DPP10: variants seen among roughly 807,000 people sequenced by gnomAD.
DPP10 encodes inactive dipeptidyl peptidase 10.
A neutral mutation model predicts 120.9 loss-of-function variants in DPP10; 33 were observed. The ratio of observed to expected loss-of-function variants is 0.27; its 90% CI spans 0.21 to 0.37. The LOEUF is 0.37. DPP10 is among the 10% of genes least tolerant of loss of function. DPP10 has a pLI of 1.00. For synonymous variants in DPP10, 337 were observed against 326.1 expected, an observed-to-expected ratio of 1.03 and a Z score of -0.36; for missense variants, 816 against 942.8, an observed-to-expected ratio of 0.87 and a Z score of 1.76.
intron 7 of DPP10, among the ~76,000 whole-genome samples, chr2:115,698,331 A>T (rs936073636): frequency 2.6e-5 from 4 of 152,238 alleles, no homozygotes; most frequent in African/African-American, 9.6e-5. Flanking sequence ...AAAGCACAAC[A>T]TACCAAAATG....
At position 115,652,472 on chromosome 2, in the gene DPP10, C is replaced by G. The variant is rs147307241; in HGVS notation, c.442-37215C>G. ...CTTTAATATATGTATTCTCTAATAC[C>G]TTTATATATTATATATATAATGTAG... On this transcript the variant is annotated intron_variant, in intron 5 of 25. Coordinates refer to ENST00000410059, the MANE Select transcript of DPP10 (RefSeq NM_020868.6). Among the ~76,000 whole-genome samples, 875 of 147,448 alleles carry G rather than the reference C, an allele frequency of 5.9e-3. 11 individuals are homozygous for G. The highest frequency in any genetic ancestry group is 0.022 in the African/African-American group (844 of 39,234).
At chr2:114,573,608 A>G (rs1025060572) in intron 1 of DPP10, among the ~76,000 whole-genome samples, 1 of 152,184 alleles carries the variant, frequency 6.6e-6, no homozygotes, top group Admixed American at 6.5e-5. Flanking sequence ...AACATGAACA[A>G]TCTCTTCAAA....
At chr2:115,188,366 C>A (rs1232796382) in intron 1 of DPP10, among the ~76,000 whole-genome samples, 1 of 152,092 alleles carries the variant, frequency 6.6e-6, no homozygotes, top group Non-Finnish European at 1.5e-5. Context: ...GGGTGAATGT[C>A]AGGTAACTGG....
At chr2:114,788,752 GA>G (rs1200456078) in intron 1 of DPP10, among the ~76,000 whole-genome samples, 1 of 152,076 alleles carries the variant, frequency 6.6e-6, no homozygotes, top group Non-Finnish European at 1.5e-5. Context: ...TTTAGGTAGA[GA>G]AAAAAAGTTT....
intron 1 of DPP10, among the ~76,000 whole-genome samples, chr2:114,805,203 A>T (rs561305990): frequency 8.5e-5 from 13 of 152,170 alleles, no homozygotes; most frequent in African/African-American, 3.1e-4. Flanking sequence ...GTCCAATTAA[A>T]CCTCATTTTC....
intron 1 of DPP10, among the ~76,000 whole-genome samples, chr2:114,944,720 T>C (rs960526319): frequency 2.6e-5 from 4 of 152,182 alleles, no homozygotes; most frequent in Non-Finnish European, 5.9e-5. Context: ...ACATACACTA[T>C]CTTTTTAAGT....
intron 3 of DPP10, among the ~76,000 whole-genome samples, chr2:115,449,873 A>C (rs1037490978): frequency 6.6e-6 from 1 of 152,108 alleles, no homozygotes; most frequent in African/African-American, 2.4e-5. Context: ...AAATATGTAT[A>C]GTAAAAATTG....
intron 2 of DPP10, among the ~76,000 whole-genome samples, chr2:115,335,783 A>G (rs904695438): frequency 6.6e-6 from 1 of 152,052 alleles, no homozygotes; most frequent in Non-Finnish European, 1.5e-5. Flanking sequence ...TTAGAAGACT[A>G]TCCCATATGA....
intron 1 of DPP10, among the ~76,000 whole-genome samples, chr2:114,505,629 C>A (rs1037465318): frequency 1.3e-5 from 2 of 152,086 alleles, no homozygotes; most frequent in African/African-American, 4.8e-5. Flanking sequence ...GGTAGTTCTA[C>A]ATCTCCATTT....
At chr2:115,614,352 A>G (rs1184782692) in intron 5 of DPP10, among the ~76,000 whole-genome samples, 1 of 152,142 alleles carries the variant, frequency 6.6e-6, no homozygotes, top group Non-Finnish European at 1.5e-5. Flanking sequence ...ACAAATAACC[A>G]TTTATATTTT....
chr2:115,121,532 G>A (rs1185188596), intron 1 of DPP10, among the ~76,000 whole-genome samples: 2 of 152,214 alleles, frequency 1.3e-5, no homozygotes, highest in Non-Finnish European at 2.9e-5. Flanking sequence ...GCCTGGCCCA[G>A]GGGCATTTTT....
At chr2:115,495,880 A>G (rs1373000634) in intron 3 of DPP10, among the ~76,000 whole-genome samples, 1 of 152,190 alleles carries the variant, frequency 6.6e-6, no homozygotes, top group Non-Finnish European at 1.5e-5. Flanking sequence ...TATTTAATCA[A>G]AGTACCTTGT....
chr2:114,528,268 C>T (rs985537804), intron 1 of DPP10, among the ~76,000 whole-genome samples: 2 of 152,168 alleles, frequency 1.3e-5, no homozygotes, highest in Non-Finnish European at 2.9e-5. Context: ...AAGCCAGGGA[C>T]TATCATAGTC....
At chr2:115,001,279 A>G (rs1701422590) in intron 1 of DPP10, among the ~76,000 whole-genome samples, 1 of 152,222 alleles carries the variant, frequency 6.6e-6, no homozygotes, top group Non-Finnish European at 1.5e-5. Flanking sequence ...TGAATTTTAC[A>G]TAAAGAGAAT....
intron 1 of DPP10, among the ~76,000 whole-genome samples, chr2:114,824,090 T>C (rs1686324998): frequency 1.3e-5 from 2 of 152,226 alleles, no homozygotes; most frequent in Admixed American, 6.5e-5. Context: ...AGCTTCTACT[T>C]ACCAAAATTC....
chr2:115,385,161 A>C (rs1298026142), intron 3 of DPP10, among the ~76,000 whole-genome samples: 1 of 152,088 alleles, frequency 6.6e-6, no homozygotes, highest in Non-Finnish European at 1.5e-5. Context: ...AAACGGACTA[A>C]TACAGTCACT....
intron 5 of DPP10, among the ~76,000 whole-genome samples, chr2:115,667,744 A>G (rs1433904932): frequency 1.3e-5 from 2 of 152,028 alleles, no homozygotes; most frequent in African/African-American, 2.4e-5. Context: ...GCAGCCTTAC[A>G]GTGTAGTTTA....
At chr2:115,703,065 C>A (rs949516706) in intron 7 of DPP10, among the ~76,000 whole-genome samples, 1 of 151,646 alleles carries the variant, frequency 6.6e-6, no homozygotes, top group Non-Finnish European at 1.5e-5. Flanking sequence ...AATTGTATCA[C>A]GAAGAATGGA....
intron 2 of DPP10, among the ~76,000 whole-genome samples, chr2:115,325,279 A>T (rs183436939): frequency 3.3e-5 from 5 of 152,264 alleles, no homozygotes; most frequent in Admixed American, 6.6e-5. Flanking sequence ...ACCAGTGACA[A>T]ATTTATCTGG....
Sources: allele counts gnomAD v4.1 joint callset (sites outside exome capture counted in the v4.1 genomes callset), GRCh38; gene constraint gnomAD v4.1.1; transcripts MANE v1.5; gene names NCBI Gene and HGNC (gene_info 2026-07-23, HGNC 2026-07-21).